BBS9: variants seen among roughly 807,000 people sequenced by gnomAD.
The protein encoded by BBS9 is protein PTHB1.
A neutral mutation model predicts 117.7 loss-of-function variants in BBS9; 89 were observed. The ratio of observed to expected loss-of-function variants is 0.76; its 90% confidence interval spans 0.64 to 0.90. The LOEUF (loss-of-function observed/expected upper bound fraction) is 0.90, where lower values mean the gene tolerates loss of function less well. BBS9 is among the 40% of genes least tolerant of loss of function. BBS9 has a pLI of 0.00. For synonymous variants in BBS9, 379 were observed against 370.9 expected (o/e 1.02, Z -0.25); for missense variants, 982 against 1,042.2 (o/e 0.94, Z 0.80).
At chr7:33,213,948 G>C (rs1162919881) in intron 5 of BBS9, among the ~76,000 whole-genome samples, 3 of 152,092 alleles carry the variant, frequency 2.0e-5, no homozygotes, top group African/African-American at 7.2e-5. Context: ...TCTAGGGTTG[G>C]GGTAGGGGTG....
chr7:33,210,082 A>C (rs1234953658), intron 5 of BBS9, among the ~76,000 whole-genome samples: 2 of 152,190 alleles, frequency 1.3e-5, no homozygotes, highest in African/African-American at 2.4e-5. Flanking sequence ...AGGTTTCGGT[A>C]CATTATGTTT....
At chr7:33,421,709 C>G (rs1832887100) in intron 19 of BBS9, among the ~76,000 whole-genome samples, 1 of 152,102 alleles carries the variant, frequency 6.6e-6, no homozygotes, top group Non-Finnish European at 1.5e-5. Context: ...GATCTTGGAA[C>G]AATGTTCTAT....
chr7:33,542,183 C>T (rs1852425891), intron 21 of BBS9, among the ~76,000 whole-genome samples: 1 of 151,934 alleles, frequency 6.6e-6, no homozygotes, highest in African/African-American at 2.4e-5. Context: ...CTCCTGGATT[C>T]AAGCAGTTCT....
chr7:33,374,901 C>CA (rs954530141), intron 17 of BBS9, among the ~76,000 whole-genome samples: 9,097 of 63,270 alleles, frequency 0.14, 708 homozygotes, highest in African/African-American at 0.27. Context: ...AACTCCGTCT[C>CA]AAAAAAAAAA....
intron 9 of BBS9, among the ~76,000 whole-genome samples, chr7:33,332,746 G>A (rs1360085945): frequency 3.9e-5 from 6 of 152,004 alleles, no homozygotes; most frequent in Admixed American, 3.9e-4. Flanking sequence ...AGGCTTTAAT[G>A]TCCCTAAACA....
downstream of BBS9, among the ~76,000 whole-genome samples, chr7:33,608,657 G>A (rs1372194548): frequency 2.6e-5 from 4 of 151,780 alleles, no homozygotes; most frequent in Non-Finnish European, 4.4e-5. Flanking sequence ...TTTCATGTTT[G>A]TTGAATGCTT....
chr7:33,524,548 C>T (rs1054321229), intron 20 of BBS9, among the ~76,000 whole-genome samples: 28 of 152,082 alleles, frequency 1.8e-4, no homozygotes, highest in African/African-American at 4.3e-4. Context: ...GAGGTGTTTG[C>T]AGTATTCTCT....
intron 9 of BBS9, among the ~76,000 whole-genome samples, chr7:33,295,548 TA>T (rs980708970): frequency 1.3e-5 from 2 of 151,458 alleles, no homozygotes; most frequent in African/African-American, 2.4e-5. Flanking sequence ...GCATGTAAGT[TA>T]AAAAAAATAG....
At chr7:33,283,241 A>T (rs1487079824) in intron 9 of BBS9, among the ~76,000 whole-genome samples, 1 of 152,166 alleles carries the variant, frequency 6.6e-6, no homozygotes, top group African/African-American at 2.4e-5. Context: ...AAATTTGGAC[A>T]TTCCATTTGG....
At chr7:33,392,350 G>T (rs1827206028) in intron 19 of BBS9, among the ~76,000 whole-genome samples, 1 of 152,128 alleles carries the variant, frequency 6.6e-6, no homozygotes, top group Non-Finnish European at 1.5e-5. Context: ...GCTCAGCTCG[G>T]GACTGGATAG....
At chr7:33,304,523 G>A (rs1003196177) in intron 9 of BBS9, among the ~76,000 whole-genome samples, 1 of 151,828 alleles carries the variant, frequency 6.6e-6, no homozygotes, top group Admixed American at 6.6e-5. Context: ...GGGATCTGAG[G>A]AGCGTCTCTC....
chr7:33,449,801 C>A (rs1270183368), intron 19 of BBS9, among the ~76,000 whole-genome samples: 1 of 152,062 alleles, frequency 6.6e-6, no homozygotes, highest in African/African-American at 2.4e-5. Flanking sequence ...CATTCTTGGC[C>A]AATAACAGAG....
intron 21 of BBS9, among the ~76,000 whole-genome samples, chr7:33,593,724 C>T (rs1862294971): frequency 6.6e-6 from 1 of 152,066 alleles, no homozygotes; most frequent in African/African-American, 2.4e-5. Flanking sequence ...TCGCAATGCA[C>T]CAACATAGTG....
chr7:33,183,898 G>A (rs1173134577), intron 5 of BBS9, among the ~76,000 whole-genome samples: 1 of 152,104 alleles, frequency 6.6e-6, no homozygotes, highest in African/African-American at 2.4e-5. Flanking sequence ...CAGCAGGCTT[G>A]TTCTAAGCCC....
At chr7:33,261,938 A>G (rs910472177) in intron 6 of BBS9, among the ~76,000 whole-genome samples, 5 of 152,224 alleles carry the variant, frequency 3.3e-5, no homozygotes, top group African/African-American at 4.8e-5. Context: ...AGCTTATGTT[A>G]CTGAACACTT....
intron 21 of BBS9, among the ~76,000 whole-genome samples, chr7:33,602,643 C>T (rs1441859368): frequency 1.3e-5 from 2 of 152,144 alleles, no homozygotes; most frequent in Non-Finnish European, 2.9e-5. Flanking sequence ...GCAGGAGAAT[C>T]GCTTGAACCT....
rs925605225 is a variant in BBS9 at position 33,382,575 on chromosome 7, A to G, written c.1790-1091A>G. Among the ~76,000 whole-genome samples, 18 of 152,214 alleles carry G rather than the reference A, an allele frequency of 1.2e-4. No homozygotes were observed. Among genetic ancestry groups the G allele is most frequent in the African/African-American group, 3.4e-4 (14 of 41,462 alleles). On this transcript the variant is annotated intron_variant, in intron 17 of 22. Coordinates refer to ENST00000242067, the MANE Select transcript of BBS9 (RefSeq NM_198428.3). ...GTTAAGTGCCTAGTGAACTGTAGAC[A>G]TAGTAAGTCTCTATATAAATTCAGG...
intron 21 of BBS9, among the ~76,000 whole-genome samples, chr7:33,555,187 G>A (rs1855105756): frequency 6.6e-6 from 1 of 152,168 alleles, no homozygotes; most frequent in African/African-American, 2.4e-5. Flanking sequence ...TTTCATCAGA[G>A]GGACACATAT....
In BBS9 at chr7:33,213,073, A is replaced by T. The variant is rs149955331; in HGVS notation, c.442+35482A>T. ...TCTCCGATCAGCAGGTGCTGATGCCAGCCAGGTTTGTGCCCTTCCCTTCAG... is the reference window on the plus strand; with the variant it reads ...TCTCCGATCAGCAGGTGCTGATGCCTGCCAGGTTTGTGCCCTTCCCTTCAG... On this transcript the variant is annotated intron_variant, in intron 5 of 22. Coordinates refer to ENST00000242067, the MANE Select transcript of BBS9 (RefSeq NM_198428.3). 5.3e-5 allele frequency among the ~76,000 whole-genome samples: 8 copies of T among 152,328 alleles called. No individual in the cohort carries two copies. In the South Asian group the frequency reaches 6.2e-4, roughly 12 times the overall value.
Sources: gnomAD v4.1 joint callset for allele counts (sites outside exome capture counted in the v4.1 genomes callset) on GRCh38, gnomAD v4.1.1 for gene constraint, MANE v1.5 for transcripts, NCBI Gene and HGNC (gene_info 2026-07-23, HGNC 2026-07-21) for gene names.